Variants in PRPH2 observed in about 807,000 individuals in gnomAD.
The protein encoded by PRPH2 is peripherin 2.
Under a neutral mutation model 31.3 loss-of-function variants are expected in PRPH2, and 17 were observed. The observed-to-expected ratio is 0.54, with a 90% CI of 0.37 to 0.81. The LOEUF (loss-of-function observed/expected upper bound fraction) is 0.81, where lower values mean the gene tolerates loss of function less well. PRPH2 is among the 40% of genes least tolerant of loss of function. PRPH2 has a pLI of 0.00. For synonymous variants in PRPH2, 165 were observed against 184.4 expected (o/e 0.89, Z 0.85); for missense variants, 430 against 439.7 (o/e 0.98, Z 0.20).
At chr6:42,706,337 G>A (rs908169185) in intron 1 of PRPH2, among the ~76,000 whole-genome samples, 7 of 151,166 alleles carry the variant, frequency 4.6e-5, no homozygotes, top group Non-Finnish European at 7.4e-5. Flanking sequence ...CCCAGGGGGC[G>A]GAGCTTGCAG....
At chr6:42,705,433 G>A (rs1484102540) in intron 1 of PRPH2, among the ~76,000 whole-genome samples, 1 of 151,172 alleles carries the variant, frequency 6.6e-6, no homozygotes, top group African/African-American at 2.4e-5. Flanking sequence ...CTTAAGATCC[G>A]TGCATTTGGC....
chr6:42,698,138 AG>A lies in PRPH2; in HGVS notation c.*156del. 1 of 983,304 alleles carries A rather than the reference AG, an allele frequency of 1.0e-6. No homozygotes were observed. The highest frequency in any genetic ancestry group is 1.5e-6 in the Non-Finnish European group (1 of 664,674). The allele number at this position is 983,304 out of a possible 1,614,324, so 60.9% of individuals were successfully genotyped here. A position where few individuals can be genotyped will look rare whatever the true frequency, so the allele number is the denominator to read the frequency against. ...CAACAACTGTGTGTCAAATGCTTTT[AG>A]GGACCCTAAACTTAAATTCCACCGT... On this transcript the variant is annotated 3_prime_UTR_variant, in exon 3 of 3. Coordinates refer to ENST00000230381, the MANE Select transcript of PRPH2 (RefSeq NM_000322.5).
chr6:42,710,636 C>CG (rs1800260613), intron 1 of PRPH2, among the ~76,000 whole-genome samples: 1 of 152,074 alleles, frequency 6.6e-6, no homozygotes. Flanking sequence ...CGGAAGGGGC[C>CG]GGGGGCGGTG....
chr6:42,709,444 A>C (rs1289727072), intron 1 of PRPH2, among the ~76,000 whole-genome samples: 1 of 149,624 alleles, frequency 6.7e-6, no homozygotes, highest in African/African-American at 2.5e-5. Context: ...TCATTCATTC[A>C]CTCACTTGAT....
In PRPH2 at chr6:42,704,468, T is replaced by C. The variant is rs542296728; in HGVS notation, c.725A>G (p.Glu242Gly). Residue 242 changes from glutamate to glycine, a missense_variant, in exon 2 of 3, where the codon GAG (glutamate) becomes GGG (glycine). Physicochemically the swap from Glu to Gly is moderately conservative, Grantham distance 98. Transcript: ENST00000230381. ...GCAGCCACGCACCCACAGGTTGAGC[T>C]CCTCCGTCTGGTGGTCGTAACTGTA... Reference protein sequence around the residue: ...AHYSYDHQTEELNLWVRGCRA... With the variant: ...AHYSYDHQTEGLNLWVRGCRA... The C allele has an allele frequency of 2.5e-4, 397 of 1,613,804 alleles. 3 individuals carry two copies. In the South Asian group the frequency reaches 4.1e-3, roughly 17 times the overall value.
intron 1 of PRPH2, among the ~76,000 whole-genome samples, chr6:42,712,559 G>T (rs1434875134): frequency 1.3e-5 from 2 of 152,088 alleles, no homozygotes; most frequent in African/African-American, 4.8e-5. Flanking sequence ...GATGAAACAG[G>T]CAAAATATTG....
chr6:42,721,278 A>AATGG (rs1433068190), intron 1 of PRPH2, among the ~76,000 whole-genome samples: 1 of 152,202 alleles, frequency 6.6e-6, no homozygotes, highest in Non-Finnish European at 1.5e-5. Context: ...ACATCTTGGG[A>AATGG]ATGGATGCTC....
At chr6:42,712,792 C>T (rs1368701693) in intron 1 of PRPH2, among the ~76,000 whole-genome samples, 3 of 152,002 alleles carry the variant, frequency 2.0e-5, no homozygotes, top group Admixed American at 6.6e-5. Context: ...GCTGGAGTTA[C>T]AGGTGTGTTG....
At chr6:42,717,825 A>C (rs1163322449) in intron 1 of PRPH2, among the ~76,000 whole-genome samples, 3 of 151,990 alleles carry the variant, frequency 2.0e-5, no homozygotes, top group Non-Finnish European at 4.4e-5. Context: ...TCTGAACATA[A>C]TCCCAGGAGC....
chr6:42,719,310 G>C (rs556301969), intron 1 of PRPH2, among the ~76,000 whole-genome samples: 3 of 152,056 alleles, frequency 2.0e-5, no homozygotes, highest in Admixed American at 1.3e-4. Context: ...CCGAGTAGCT[G>C]AGATTACAGG....
At chr6:42,701,487 G>A (rs1023370095) in intron 2 of PRPH2, among the ~76,000 whole-genome samples, 1 of 151,014 alleles carries the variant, frequency 6.6e-6, no homozygotes, top group African/African-American at 2.4e-5. Context: ...CTAAACTCCT[G>A]GGCTCAATTG....
intron 1 of PRPH2, among the ~76,000 whole-genome samples, chr6:42,721,515 C>A (rs954629616): frequency 6.6e-6 from 1 of 152,130 alleles, no homozygotes; most frequent in African/African-American, 2.4e-5. Context: ...ACCTTCCTAC[C>A]ACCTTAGCCA....
chr6:42,702,652 T>C (rs985576732), intron 2 of PRPH2, among the ~76,000 whole-genome samples: 1 of 109,714 alleles, frequency 9.1e-6, no homozygotes, highest in Non-Finnish European at 2.0e-5. Context: ...GGTGGATTAT[T>C]TGAGGTCAGG....
chr6:42,697,559 A>AG lies in PRPH2; in HGVS notation c.*735dup, dbSNP rs1458233109. 2 of 152,310 alleles carry AG rather than the reference A, an allele frequency of 1.3e-5. No homozygotes were observed. The highest frequency in any genetic ancestry group is 3.8e-4 in the East Asian group (2 of 5,196). The allele number at this position is 152,310 out of a possible 1,614,324, so 9.4% of individuals were successfully genotyped here. A position where few individuals can be genotyped will look rare whatever the true frequency, so the allele number is the denominator to read the frequency against. The stretch of plus-strand genomic sequence containing the variant: ...TGGTGTGGTGCTGGGACACGCCAAC[A>AG]GCCTGACTTCCTCAACCCGTGGTTC... On this transcript the variant is annotated 3_prime_UTR_variant, in exon 3 of 3. Coordinates refer to ENST00000230381, the MANE Select transcript of PRPH2 (RefSeq NM_000322.5).
At chr6:42,720,839 G>A (rs1420399904) in intron 1 of PRPH2, among the ~76,000 whole-genome samples, 1 of 152,188 alleles carries the variant, frequency 6.6e-6, no homozygotes, top group African/African-American at 2.4e-5. Context: ...AGTCACTCGA[G>A]CCCCAGGTTG....
chr6:42,704,317 G>T (rs748860726), intron 2 of PRPH2, 48 bp downstream of exon 2: 1 of 1,586,220 alleles, frequency 6.3e-7, no homozygotes, highest in Non-Finnish European at 8.6e-7. Context: ...ACCCAAATGG[G>T]ACCGGAGGCT....
intron 1 of PRPH2, among the ~76,000 whole-genome samples, chr6:42,709,053 G>A (rs537653414): frequency 2.0e-4 from 31 of 152,216 alleles, no homozygotes; most frequent in Non-Finnish European, 3.5e-4. Flanking sequence ...GGGTCCAGCC[G>A]GGCGCGGTGG....
intron 1 of PRPH2, among the ~76,000 whole-genome samples, chr6:42,714,019 G>A (rs1761727680): frequency 6.6e-6 from 1 of 151,474 alleles, no homozygotes; most frequent in African/African-American, 2.4e-5. Context: ...GATAATTTGA[G>A]GTTTCTGTCA....
chr6:42,715,810 C>CA (rs1326084608), intron 1 of PRPH2, among the ~76,000 whole-genome samples: 1 of 152,164 alleles, frequency 6.6e-6, no homozygotes, highest in Non-Finnish European at 1.5e-5. Flanking sequence ...GAGAAATCTC[C>CA]AAAACCTGCC....
Sources: gnomAD v4.1 joint callset for allele counts (sites outside exome capture counted in the v4.1 genomes callset) on GRCh38, gnomAD v4.1.1 for gene constraint, MANE v1.5 for transcripts, NCBI Gene and HGNC (gene_info 2026-07-23, HGNC 2026-07-21) for gene names.